The following TRAPPC10 variants were observed in gnomAD, a reference collection of about 807,000 sequenced individuals.
The protein encoded by TRAPPC10 is trafficking protein particle complex subunit 10.
Under a neutral mutation model 125.5 loss-of-function variants are expected in TRAPPC10, and 23 were observed. The ratio of observed to expected loss-of-function variants is 0.18; its 90% confidence interval spans 0.13 to 0.26. The LOEUF is 0.26. TRAPPC10 is among the 10% of genes least tolerant of loss of function. The pLI is 1.00. For synonymous variants in TRAPPC10, 509 were observed against 518.0 expected, an observed-to-expected ratio of 0.98 and a Z score of 0.24; for missense variants, 1,123 against 1,308.4, an observed-to-expected ratio of 0.86 and a Z score of 2.19.
At chr21:44,089,573 C>T (rs1029514178) in intron 17 of TRAPPC10, 1 of 525,434 alleles carries the variant, frequency 1.9e-6, no homozygotes, top group Non-Finnish European at 3.7e-6. Context: ...TGCTCTTCCG[C>T]CGTTGAGGTG....
At chr21:44,093,987 G>A (rs1041247959) in intron 19 of TRAPPC10, 76 bp from the exon 20 acceptor site, 7 of 1,468,220 alleles carry the variant, frequency 4.8e-6, no homozygotes, top group Non-Finnish European at 5.6e-6. Flanking sequence ...CGCATGGCGT[G>A]TGTTTCGCTG....
intron 20 of TRAPPC10, among the ~76,000 whole-genome samples, chr21:44,094,596 G>A (rs998271668): frequency 3.3e-5 from 5 of 152,134 alleles, no homozygotes; most frequent in African/African-American, 1.2e-4. Flanking sequence ...GCTTTCTAAG[G>A]CATATCTCTA....
chr21:44,037,166 G>A (rs1462671094), intron 2 of TRAPPC10, among the ~76,000 whole-genome samples: 24 of 152,140 alleles, frequency 1.6e-4, no homozygotes, highest in Non-Finnish European at 3.5e-4. Flanking sequence ...AGAGATCCAC[G>A]CGGTGTGGTT....
rs200253111 is a variant in TRAPPC10 at position 44,086,768 on chromosome 21, C to T, written c.2381-34C>T. ...CCCTGAGATGCTGTCTTCCGGTTGG[C>T]AGCGGTGCTGAGCCACGATCTCTTT... is the stretch of plus-strand genomic sequence containing the variant. On this transcript the variant is annotated intron_variant, in intron 15 of 22. Transcript: ENST00000291574. 2.0e-3 allele frequency: 3,283 copies of T among 1,607,042 alleles called. 5 individuals carry two copies. The highest frequency in any genetic ancestry group is 2.5e-3 in the Non-Finnish European group (2,975 of 1,174,804).
intron 1 of TRAPPC10, among the ~76,000 whole-genome samples, chr21:44,018,468 A>G (rs1004701144): frequency 2.0e-5 from 3 of 152,148 alleles, no homozygotes; most frequent in Non-Finnish European, 4.4e-5. Context: ...TGGGAGGCCA[A>G]GGTGGGTGGA....
rs1222298229 is a variant in TRAPPC10, at chr21:44,086,319, G to GTTCC, written c.2381-482_2381-481insTCCT. On this transcript the variant is annotated intron_variant, in intron 15 of 22. Transcript: ENST00000291574. ...TCCTGCCTCTCATTGCTGTCTTGGAGTGAGGGGGAGCCACCTGACTGCTGA... is the reference window on the plus strand; with the variant it reads ...TCCTGCCTCTCATTGCTGTCTTGGAGTTCCTGAGGGGGAGCCACCTGACTGCTGA... Among the ~76,000 whole-genome samples the GTTCC allele has an allele frequency of 6.6e-5, 10 of 152,358 alleles. No homozygotes were observed. The East Asian group carries it at 1.2e-3, about 18-fold the overall frequency.
chr21:44,078,710 A>C (rs2037457243), intron 11 of TRAPPC10, among the ~76,000 whole-genome samples: 1 of 152,202 alleles, frequency 6.6e-6, no homozygotes, highest in Non-Finnish European at 1.5e-5. Flanking sequence ...GTGCTCCTTA[A>C]GGAAGCAGAG....
chr21:44,043,906 T>C (rs1249349920), intron 3 of TRAPPC10, among the ~76,000 whole-genome samples: 1 of 152,130 alleles, frequency 6.6e-6, no homozygotes, highest in African/African-American at 2.4e-5. Flanking sequence ...TGAGTCCCAC[T>C]GTGTGTTTTA....
At position 44,059,701 on chromosome 21, in the gene TRAPPC10, C is replaced by T. The variant is rs117319046; in HGVS notation, c.790+487C>T. ...AGAATTAGCACAGTGAAACCATACA[C>T]AGAGAGAAACATTGGTTATTGTCCT... is the stretch of plus-strand genomic sequence containing the variant. On this transcript the variant is annotated intron_variant, in intron 6 of 22. Coordinates refer to ENST00000291574, the MANE Select transcript of TRAPPC10 (RefSeq NM_003274.5). The surrounding 1 kb of genome is among the most constrained non-coding windows in gnomAD (Gnocchi z 4.4). 3,099 of 510,422 alleles carry T rather than the reference C, an allele frequency of 6.1e-3. 21 individuals are homozygous for T. Among genetic ancestry groups the T allele is most frequent in the Non-Finnish European group, 8.0e-3 (2,294 of 286,362 alleles). 31.6% of individuals were successfully genotyped at this position (510,422 alleles called of 1,614,324 possible). A position where few individuals can be genotyped will look rare whatever the true frequency, so the allele number is the denominator to read the frequency against.
rs765243844 is a variant in TRAPPC10, at chr21:44,059,100, T to C, written c.679-3T>C. Reference sequence around the variant, plus strand: ...TTTTAAAAAACGTATCTTGGGCGAATAGGAGGAGCTTGCCTTTGTTTTCGA... The same window carrying C: ...TTTTAAAAAACGTATCTTGGGCGAACAGGAGGAGCTTGCCTTTGTTTTCGA... On this transcript the variant is annotated splice_region_variant and splice_polypyrimidine_tract_variant and intron_variant, in intron 5 of 22. Transcript: ENST00000291574. This position sits in a 1 kb window ranked among gnomAD's most constrained non-coding sequence, Gnocchi z 4.4. 2.5e-6 allele frequency: 4 copies of C among 1,584,272 alleles called. No individual in the cohort carries two copies. The East Asian group carries it at 9.0e-5, about 36-fold the overall frequency.
intron 2 of TRAPPC10, among the ~76,000 whole-genome samples, chr21:44,033,372 T>C (rs542909757): frequency 5.9e-5 from 9 of 152,268 alleles, no homozygotes; most frequent in African/African-American, 1.9e-4. Context: ...AGATATGCAT[T>C]TAGTTGCTAA....
intron 19 of TRAPPC10, among the ~76,000 whole-genome samples, chr21:44,093,780 AC>A (rs1242124045): frequency 6.6e-6 from 1 of 152,204 alleles, no homozygotes; most frequent in Non-Finnish European, 1.5e-5. Flanking sequence ...AAATTAAGCT[AC>A]TTTTTAATGA....
At chr21:44,037,666 T>G in intron 2 of TRAPPC10, 126 bp from the exon 3 acceptor site, 1 of 1,062,536 alleles carries the variant, frequency 9.4e-7, no homozygotes. Flanking sequence ...AGCGTAGTTA[T>G]GATTTGGGGT....
intron 1 of TRAPPC10, among the ~76,000 whole-genome samples, chr21:44,013,150 CT>C (rs3838123): frequency 0.33 from 50,800 of 151,784 alleles, 12,663 homozygotes; most frequent in African/African-American, 0.71. Flanking sequence ...CTTAGGCGAG[CT>C]TGCTCCCCAT....
rs563969072 is a variant in TRAPPC10, at chr21:44,057,543, G to A, written c.679-1560G>A. 3.7e-4 allele frequency among the ~76,000 whole-genome samples: 56 copies of A among 152,110 alleles called. 2 individuals carry two copies. In the South Asian group the frequency reaches 0.011, roughly 29 times the overall value. On this transcript the variant is annotated intron_variant, in intron 5 of 22. Transcript: ENST00000291574. ...AAACTCCTGGCCTCAAGTGATCCTC[G>A]CAAAGTGCTGGAATTACAAGCCTGA...
At chr21:44,066,505 A>G (rs1362409266) in intron 7 of TRAPPC10, among the ~76,000 whole-genome samples, 1 of 152,234 alleles carries the variant, frequency 6.6e-6, no homozygotes, top group African/African-American at 2.4e-5. Flanking sequence ...CCTCCTTGAC[A>G]GAGTATTTCC....
intron 3 of TRAPPC10, among the ~76,000 whole-genome samples, chr21:44,045,264 A>G (rs1384549209): frequency 1.3e-5 from 2 of 152,068 alleles, no homozygotes; most frequent in East Asian, 3.9e-4. Flanking sequence ...GTGCAGATCC[A>G]GGTTTTCATC....
chr21:44,079,445 A>T (rs1403830265), intron 11 of TRAPPC10, 119 bp from the exon 12 acceptor site: 4 of 1,146,748 alleles, frequency 3.5e-6, no homozygotes, highest in Non-Finnish European at 4.8e-6. Context: ...CTATCTAGAG[A>T]TGTTGAGTCT....
At chr21:44,031,653 T>A (rs2033593755) in intron 1 of TRAPPC10, among the ~76,000 whole-genome samples, 1 of 152,216 alleles carries the variant, frequency 6.6e-6, no homozygotes, top group Non-Finnish European at 1.5e-5. Context: ...CCTATAAATT[T>A]TAGCTCCTCC....
Sources: allele counts gnomAD v4.1 joint callset (sites outside exome capture counted in the v4.1 genomes callset), GRCh38; gene constraint gnomAD v4.1.1; non-coding constraint Gnocchi (gnomAD v3.1); transcripts MANE v1.5; gene names NCBI Gene and HGNC (gene_info 2026-07-23, HGNC 2026-07-21).